Variants in ACOXL observed in about 807,000 individuals in gnomAD.
The protein encoded by ACOXL is acyl-CoA oxidase like, also known as acyl-coenzyme A oxidase-like protein.
Under a neutral mutation model 71.9 loss-of-function variants are expected in ACOXL, and 70 were observed. The ratio of observed to expected loss-of-function variants is 0.97; its 90% confidence interval spans 0.80 to 1.19. The LOEUF (loss-of-function observed/expected upper bound fraction) is 1.19, where lower values mean the gene tolerates loss of function less well. Ranked by LOEUF, ACOXL falls within the 50% of genes most tolerant of loss-of-function variation. The pLI is 0.00. For missense variants in ACOXL, 703 were observed against 736.3 expected (o/e 0.95, Z 0.52); for synonymous variants, 253 against 281.6 (o/e 0.90, Z 1.02).
intron 12 of ACOXL, among the ~76,000 whole-genome samples, chr2:110,949,408 G>T (rs1395231695): frequency 6.6e-6 from 1 of 152,036 alleles, no homozygotes; most frequent in East Asian, 1.9e-4. Flanking sequence ...ATTGGTCAGA[G>T]ATCTCTTTCT....
At chr2:110,740,565 C>T (rs1677398112) in intron 1 of ACOXL, among the ~76,000 whole-genome samples, 1 of 152,224 alleles carries the variant, frequency 6.6e-6, no homozygotes, top group Non-Finnish European at 1.5e-5. Context: ...AATTTCAAGT[C>T]TCCAAAGGAG....
chr2:110,868,896 TTTC>T (rs946561697), intron 10 of ACOXL, among the ~76,000 whole-genome samples: 4 of 151,986 alleles, frequency 2.6e-5, no homozygotes, highest in African/African-American at 9.7e-5. Context: ...CAGCCTGGAG[TTTC>T]TTATGTTGCT....
At chr2:110,739,359 C>T (rs1220107419) in intron 1 of ACOXL, among the ~76,000 whole-genome samples, 1 of 152,200 alleles carries the variant, frequency 6.6e-6, no homozygotes. Flanking sequence ...GATCCTAATC[C>T]TCCTTCCTGA....
At chr2:110,790,788 C>T (rs1317042739) in intron 3 of ACOXL, among the ~76,000 whole-genome samples, 2 of 152,118 alleles carry the variant, frequency 1.3e-5, no homozygotes, top group East Asian at 1.9e-4. Flanking sequence ...CTCAGGATTT[C>T]TGTTTTAAGG....
intron 14 of ACOXL, among the ~76,000 whole-genome samples, chr2:111,028,959 CT>C (rs1174885222): frequency 1.3e-5 from 2 of 152,206 alleles, no homozygotes; most frequent in Non-Finnish European, 2.9e-5. Flanking sequence ...GGGATGTGGG[CT>C]CAGAGGCCTG....
At chr2:111,049,192 C>G in intron 15 of ACOXL, 26 bp from the exon 16 acceptor site, 1 of 1,573,084 alleles carries the variant, frequency 6.4e-7, no homozygotes, top group Non-Finnish European at 8.7e-7. Flanking sequence ...TGAAGTCATT[C>G]ACAATTTCCA....
At chr2:110,967,720 G>T (rs1250514000) in intron 12 of ACOXL, 4 of 447,792 alleles carry the variant, frequency 8.9e-6, no homozygotes, top group Admixed American at 3.8e-5. Flanking sequence ...TATTTCAATG[G>T]TTAACACAAC....
intron 9 of ACOXL, among the ~76,000 whole-genome samples, chr2:110,827,253 A>G (rs996234173): frequency 2.0e-5 from 3 of 152,298 alleles, no homozygotes; most frequent in East Asian, 3.9e-4. Context: ...GCCCTGCAGG[A>G]GTAGCCAAAA....
intron 15 of ACOXL, among the ~76,000 whole-genome samples, chr2:111,041,417 G>A (rs974516770): frequency 5.3e-5 from 8 of 152,150 alleles, no homozygotes; most frequent in South Asian, 2.1e-4. Flanking sequence ...CTCTTGTTCC[G>A]CTGATGGGAC....
At chr2:111,023,579 C>A (rs1288860654) in intron 14 of ACOXL, among the ~76,000 whole-genome samples, 1 of 151,968 alleles carries the variant, frequency 6.6e-6, no homozygotes, top group Non-Finnish European at 1.5e-5. Context: ...GAGAAGGGGC[C>A]CCATGGGAAA....
At chr2:110,942,978 AGTG>A (rs1452913194) in intron 12 of ACOXL, among the ~76,000 whole-genome samples, 1 of 130,150 alleles carries the variant, frequency 7.7e-6, no homozygotes, top group Non-Finnish European at 1.6e-5. Flanking sequence ...AAAAAAGAAG[AGTG>A]GGAGGGAGGG....
At chr2:111,025,954 C>T (rs1156597210) in intron 14 of ACOXL, among the ~76,000 whole-genome samples, 1 of 152,080 alleles carries the variant, frequency 6.6e-6, no homozygotes, top group Admixed American at 6.6e-5. Flanking sequence ...GGATAAGGTT[C>T]ATTTATTTCT....
intron 12 of ACOXL, among the ~76,000 whole-genome samples, chr2:110,981,573 G>C (rs2062709884): frequency 6.6e-6 from 1 of 152,206 alleles, no homozygotes; most frequent in African/African-American, 2.4e-5. Flanking sequence ...AGCCTTAGTA[G>C]ATAGATGCTC....
intron 16 of ACOXL, among the ~76,000 whole-genome samples, chr2:111,050,285 A>G (rs1054824803): frequency 5.9e-5 from 9 of 151,504 alleles, no homozygotes; most frequent in Admixed American, 5.9e-4. Context: ...GCTTTCAGTG[A>G]TGTTAGTTTT....
intron 10 of ACOXL, among the ~76,000 whole-genome samples, chr2:110,869,720 A>G (rs1381421281): frequency 6.6e-6 from 1 of 152,230 alleles, no homozygotes; most frequent in East Asian, 1.9e-4. Flanking sequence ...ATCTGTCTCC[A>G]GAGCCCACAC....
At chr2:111,033,523 T>C (rs1469604060) in intron 15 of ACOXL, among the ~76,000 whole-genome samples, 1 of 152,170 alleles carries the variant, frequency 6.6e-6, no homozygotes, top group African/African-American at 2.4e-5. Context: ...TGGCTGGAGA[T>C]CTGAGTGTCC....
Position 111,117,941 on chromosome 2 carries a change from T to A in ACOXL, c.*125T>A. On this transcript the variant is annotated 3_prime_UTR_variant, in exon 18 of 18. Coordinates refer to ENST00000439055, the MANE Select transcript of ACOXL (RefSeq NM_001142807.4). ...GGGCCGCCACTCTCGGGGATTTTGGTGGCAAAGCGGAGGTCCCGCCGAGGC... is the reference window on the plus strand; with the variant it reads ...GGGCCGCCACTCTCGGGGATTTTGGAGGCAAAGCGGAGGTCCCGCCGAGGC... 8.2e-7 allele frequency: 1 copy of A among 1,216,802 alleles called. No homozygotes were observed. Among genetic ancestry groups the A allele is most frequent in the Non-Finnish European group, 1.1e-6 (1 of 896,874 alleles). 75.4% of individuals were successfully genotyped at this position (1,216,802 alleles called of 1,614,324 possible).
intron 2 of ACOXL, among the ~76,000 whole-genome samples, chr2:110,784,118 C>T (rs1302725328): frequency 1.3e-5 from 2 of 152,170 alleles, no homozygotes; most frequent in African/African-American, 4.8e-5. Context: ...ATCCTCCACC[C>T]TCACATCAAG....
intron 15 of ACOXL, among the ~76,000 whole-genome samples, chr2:111,038,780 A>G (rs549931744): frequency 6.6e-6 from 1 of 152,384 alleles, no homozygotes; most frequent in African/African-American, 2.4e-5. Context: ...ATATGTTTGC[A>G]GTAAACATAC....
Sources: allele counts gnomAD v4.1 joint callset (sites outside exome capture counted in the v4.1 genomes callset), GRCh38; gene constraint gnomAD v4.1.1; transcripts MANE v1.5; gene names NCBI Gene and HGNC (gene_info 2026-07-23, HGNC 2026-07-21).